The following ASIC2 variants were observed in gnomAD, a reference collection of about 807,000 sequenced individuals.
The protein encoded by ASIC2 is acid-sensing ion channel 2.
Under a neutral mutation model 57.3 loss-of-function variants are expected in ASIC2, and 25 were observed. The observed-to-expected ratio is 0.44, with a 90% CI of 0.32 to 0.61. The LOEUF is 0.61. Ranked by LOEUF, ASIC2 falls within the 20% of genes least tolerant of loss-of-function variation. The probability of loss-of-function intolerance (pLI) is 0.06; values close to 1 mark genes in which losing one functional copy is unlikely to be tolerated. For missense variants in ASIC2, 641 were observed against 738.1 expected, an observed-to-expected ratio of 0.87 and a Z score of 1.52; for synonymous variants, 319 against 307.5, an observed-to-expected ratio of 1.04 and a Z score of -0.39.
chr17:33,292,001 C>G lies in ASIC2; in HGVS notation c.115G>C (p.Gly39Arg), dbSNP rs1337712104. ...PAALAAAGQP[G>R]GGRGGERALQ... ...GCCCGCTCGCCGCCTCTGCCGCCCC[C>G]GGGCTGCCCGGCAGCCGCCAACGCC... The change falls in exon 1 of 10, where the codon GGG (glycine) becomes CGG (arginine). Residue 39 changes from glycine (G) to arginine (R), a missense_variant. This residue lies in a region of ASIC2 where 382 missense variants were observed against 398.0 expected (regional missense o/e 0.96). Transcript: ENST00000225823. 1.6e-6 allele frequency: 2 copies of G among 1,238,886 alleles called. No homozygotes were observed. The highest frequency in any genetic ancestry group is 2.0e-6 in the Non-Finnish European group (2 of 997,694). 76.7% of individuals were successfully genotyped at this position (1,238,886 alleles called of 1,614,324 possible). A position where few individuals can be genotyped will look rare whatever the true frequency, so the allele number is the denominator to read the frequency against.
At chr17:33,221,200 C>A (rs1907679481) in intron 1 of ASIC2, among the ~76,000 whole-genome samples, 1 of 152,302 alleles carries the variant, frequency 6.6e-6, no homozygotes, top group South Asian at 2.1e-4. Flanking sequence ...CAAATGAGAT[C>A]TGGGCCAAGT....
intron 1 of ASIC2, among the ~76,000 whole-genome samples, chr17:33,405,715 C>T (rs1910450075): frequency 1.3e-5 from 2 of 152,076 alleles, no homozygotes; most frequent in Admixed American, 6.5e-5. Context: ...AACCCCTGAC[C>T]TGGTGATCCA....
chr17:33,085,075 G>C (rs2092129528), intron 3 of ASIC2, among the ~76,000 whole-genome samples: 1 of 152,184 alleles, frequency 6.6e-6, no homozygotes, highest in African/African-American at 2.4e-5. Context: ...ACTTCTTTAA[G>C]TCACTAGTTC....
At chr17:34,035,596 A>G (rs2142041021) in intron 1 of ASIC2, among the ~76,000 whole-genome samples, 1 of 152,272 alleles carries the variant, frequency 6.6e-6, no homozygotes, top group Admixed American at 6.5e-5. Flanking sequence ...TGAACAGGCA[A>G]CCTACAGAAC....
chr17:33,630,284 C>T (rs1386198741), intron 1 of ASIC2, among the ~76,000 whole-genome samples: 1 of 152,118 alleles, frequency 6.6e-6, no homozygotes, highest in Non-Finnish European at 1.5e-5. Context: ...CCTGAAAAAG[C>T]CAGACTATGC....
chr17:33,531,823 G>A (rs1254631935), intron 1 of ASIC2, among the ~76,000 whole-genome samples: 1 of 152,132 alleles, frequency 6.6e-6, no homozygotes, highest in Non-Finnish European at 1.5e-5. Context: ...AGGTTGGGAA[G>A]CGTTTCCCTG....
At chr17:33,780,499 C>T (rs892102799) in intron 1 of ASIC2, among the ~76,000 whole-genome samples, 12 of 152,218 alleles carry the variant, frequency 7.9e-5, no homozygotes, top group Admixed American at 7.9e-4. Flanking sequence ...TACACCTACT[C>T]CAGGTGTAAT....
intron 1 of ASIC2, among the ~76,000 whole-genome samples, chr17:33,993,515 G>T (rs1479739955): frequency 1.3e-5 from 2 of 152,166 alleles, no homozygotes; most frequent in African/African-American, 4.8e-5. Context: ...GTTCTTTGAG[G>T]CTTTTGCCAG....
At chr17:33,566,957 C>T (rs1036660651) in intron 1 of ASIC2, among the ~76,000 whole-genome samples, 2 of 152,082 alleles carry the variant, frequency 1.3e-5, no homozygotes, top group Non-Finnish European at 2.9e-5. Flanking sequence ...TGCTCTTTTT[C>T]CCCTGGTGAG....
At chr17:34,046,053 G>T (rs1908325243) in intron 1 of ASIC2, among the ~76,000 whole-genome samples, 2 of 152,182 alleles carry the variant, frequency 1.3e-5, no homozygotes, top group Non-Finnish European at 2.9e-5. Flanking sequence ...TGGGGTGCCA[G>T]AGATGCCTTT....
chr17:33,421,596 T>C (rs1460440932), intron 1 of ASIC2, among the ~76,000 whole-genome samples: 1 of 152,236 alleles, frequency 6.6e-6, no homozygotes, highest in Non-Finnish European at 1.5e-5. Flanking sequence ...ACTTATTTTT[T>C]ACTTTATACC....
At chr17:33,134,008 G>C (rs1160485741) in intron 1 of ASIC2, among the ~76,000 whole-genome samples, 1 of 152,178 alleles carries the variant, frequency 6.6e-6, no homozygotes, top group Non-Finnish European at 1.5e-5. Context: ...CTGCCTCTGT[G>C]CTTGATTGAG....
At chr17:34,104,061 C>T (rs963230135) in intron 1 of ASIC2, among the ~76,000 whole-genome samples, 1 of 152,092 alleles carries the variant, frequency 6.6e-6, no homozygotes, top group African/African-American at 2.4e-5. Context: ...GACATCCTAA[C>T]AATATTGAAT....
At chr17:34,085,427 G>A (rs1047087852) in intron 1 of ASIC2, among the ~76,000 whole-genome samples, 77 of 152,322 alleles carry the variant, frequency 5.1e-4, no homozygotes, top group African/African-American at 1.8e-3. Flanking sequence ...ATGTGCTGCT[G>A]GATTCGGTTT....
chr17:33,719,592 C>T (rs1272800284), intron 1 of ASIC2, among the ~76,000 whole-genome samples: 4 of 152,198 alleles, frequency 2.6e-5, no homozygotes, highest in Non-Finnish European at 5.9e-5. Context: ...AGTAAGATGT[C>T]AGCAACGTGA....
intron 1 of ASIC2, among the ~76,000 whole-genome samples, chr17:33,987,310 C>T (rs317367): frequency 0.52 from 79,345 of 151,938 alleles, 21,474 homozygotes; most frequent in Non-Finnish European, 0.62. Flanking sequence ...ACCCAGTGCT[C>T]CACAGCAGTC....
At chr17:33,506,572 G>A (rs907538619) in intron 1 of ASIC2, among the ~76,000 whole-genome samples, 1 of 152,144 alleles carries the variant, frequency 6.6e-6, no homozygotes, top group African/African-American at 2.4e-5. Context: ...CTAATTATGG[G>A]GGTGTGTGTG....
At chr17:33,265,500 G>T (rs1246864623) in intron 1 of ASIC2, among the ~76,000 whole-genome samples, 1 of 152,114 alleles carries the variant, frequency 6.6e-6, no homozygotes, top group Non-Finnish European at 1.5e-5. Flanking sequence ...ACACACTGGG[G>T]CCTGTTGGGG....
chr17:34,076,997 T>C (rs1331025931), intron 1 of ASIC2, among the ~76,000 whole-genome samples: 3 of 152,220 alleles, frequency 2.0e-5, no homozygotes, highest in African/African-American at 7.2e-5. Context: ...CTGTCTCATC[T>C]AGCCTCCTGA....
Sources: allele counts gnomAD v4.1 joint callset (sites outside exome capture counted in the v4.1 genomes callset), GRCh38; gene constraint gnomAD v4.1.1; regional missense constraint gnomAD v4.1.1; transcripts MANE v1.5; gene names NCBI Gene and HGNC (gene_info 2026-07-23, HGNC 2026-07-21).